The following CDH26 variants were observed in gnomAD, a reference collection of about 807,000 sequenced individuals.
CDH26 encodes the protein cadherin-like protein 26.
In CDH26, 83 loss-of-function variants were observed where a neutral mutation model predicts 90.3. The observed-to-expected ratio is 0.92, with a 90% CI of 0.77 to 1.10. The LOEUF is 1.10. CDH26 is among the 50% of genes least tolerant of loss of function. CDH26 has a pLI of 0.00. For synonymous variants in CDH26, 397 were observed against 396.3 expected (o/e 1.00, Z -0.02); for missense variants, 1,013 against 1,037.6 (o/e 0.98, Z 0.33).
chr20:60,033,441 C>T (rs2062059388), intron 8 of CDH26: 1 of 1,289,312 alleles, frequency 7.8e-7, no homozygotes, highest in Non-Finnish European at 1.0e-6. Context: ...ACCATTTTGC[C>T]TACGTTATTT....
chr20:59,984,932 A>G, intron 6 of CDH26, 69 bp from the exon 7 acceptor site: 1 of 1,582,166 alleles, frequency 6.3e-7, no homozygotes, highest in Non-Finnish European at 8.6e-7. Context: ...TCCTAAACAG[A>G]ATATTTCTTT....
rs571448605 is a variant in CDH26, at chr20:59,996,742, G to A, written c.2000G>A (p.Ser667Asn). Residue 667 changes from serine to asparagine, a missense_variant, in exon 13 of 18, where the codon AGC becomes AAC. Physicochemically the swap from Ser to Asn is conservative, Grantham distance 46. Transcript: ENST00000348616. ...ACACTGGTCATGTATAATGCGGAGA[G>A]CAAAGGCACTTCAGCCCAGGTAGTG... Reference protein sequence around the residue: ...HQTLVMYNAESKGTSAQTWSD... With the variant: ...HQTLVMYNAENKGTSAQTWSD... The A allele has an allele frequency of 4.5e-5, 73 of 1,614,228 alleles. 1 individual carries two copies. In the South Asian group the frequency reaches 7.4e-4, roughly 16 times the overall value.
At chr20:59,977,749 G>A (rs1462970038) in intron 4 of CDH26, among the ~76,000 whole-genome samples, 1 of 144,738 alleles carries the variant, frequency 6.9e-6, no homozygotes, top group African/African-American at 2.6e-5. Flanking sequence ...TGCTACATTT[G>A]CTATAATTGT....
chr20:59,978,152 A>G (rs1350280169), intron 4 of CDH26, among the ~76,000 whole-genome samples: 1 of 152,184 alleles, frequency 6.6e-6, no homozygotes, highest in Non-Finnish European at 1.5e-5. Context: ...ACTGAGAAAC[A>G]TCTTGGTAGC....
At chr20:59,998,973 A>G (rs1307396628) in intron 13 of CDH26, among the ~76,000 whole-genome samples, 2 of 152,068 alleles carry the variant, frequency 1.3e-5, no homozygotes, top group African/African-American at 4.8e-5. Context: ...TTGCACATCC[A>G]CTCACCAGGA....
intron 15 of CDH26, among the ~76,000 whole-genome samples, chr20:60,002,484 C>T (rs1413282085): frequency 1.3e-5 from 2 of 152,002 alleles, no homozygotes; most frequent in African/African-American, 2.4e-5. Context: ...TTGCACTGAG[C>T]CCTGAGAGTT....
At chr20:60,009,972 C>T (rs1315492194) in intron 17 of CDH26, among the ~76,000 whole-genome samples, 1 of 152,150 alleles carries the variant, frequency 6.6e-6, no homozygotes, top group African/African-American at 2.4e-5. Context: ...TCCCCCATGC[C>T]ATATGGTCAG....
At chr20:60,017,595 C>T (rs2061916467), downstream of CDH26, among the ~76,000 whole-genome samples, 1 of 151,936 alleles carries the variant, frequency 6.6e-6, no homozygotes, top group African/African-American at 2.4e-5. Context: ...TTTCTGGTCT[C>T]GATTTTGTTT....
chr20:59,977,201 G>C (rs1410297015), intron 4 of CDH26, among the ~76,000 whole-genome samples: 2 of 152,124 alleles, frequency 1.3e-5, no homozygotes, highest in African/African-American at 4.8e-5. Flanking sequence ...CCTGGCTGAA[G>C]CTGGCAGCCA....
chr20:59,978,542 T>C (rs1386531477), intron 4 of CDH26, among the ~76,000 whole-genome samples: 2 of 151,978 alleles, frequency 1.3e-5, no homozygotes, highest in African/African-American at 2.4e-5. Context: ...GCCTGGCTAA[T>C]TTTTGCCTTT....
intron 1 of CDH26, 34 bp downstream of exon 1, chr20:59,958,829 A>T: frequency 6.2e-7 from 1 of 1,600,742 alleles, no homozygotes; most frequent in Non-Finnish European, 8.5e-7. Flanking sequence ...GCTCAGGTGC[A>T]GGGAACTGAA....
rs2061028969 is a variant in CDH26 at position 59,958,726 on chromosome 20, T to C, written c.-1T>C. ...TCTGGGTCTGTCTTGGGTATTCCCA[T>C]ATGGCCATGAGATCCGGGAGGCACC... On this transcript the variant is annotated 5_prime_UTR_variant, in exon 1 of 18. Coordinates refer to ENST00000348616, the MANE Select transcript of CDH26 (RefSeq NM_177980.4). The C allele has an allele frequency of 1.9e-6, 3 of 1,614,026 alleles. No individual in the cohort carries two copies. The highest frequency in any genetic ancestry group is 1.3e-5 in the African/African-American group (1 of 74,930).
At chr20:60,025,680 C>T (rs958655514) in intron 7 of CDH26, among the ~76,000 whole-genome samples, 2 of 152,168 alleles carry the variant, frequency 1.3e-5, no homozygotes, top group African/African-American at 4.8e-5. Flanking sequence ...AGCCCTTGGG[C>T]ATACCTGTTT....
chr20:59,999,821 C>T (rs1414722673), intron 14 of CDH26, among the ~76,000 whole-genome samples, 158 bp downstream of exon 14: 2 of 152,198 alleles, frequency 1.3e-5, no homozygotes, highest in African/African-American at 2.4e-5. Context: ...CCCCATGGTT[C>T]CCTTAGCCTA....
intron 4 of CDH26, among the ~76,000 whole-genome samples, chr20:59,973,452 A>G (rs1340558803): frequency 2.0e-5 from 3 of 151,960 alleles, no homozygotes; most frequent in Non-Finnish European, 4.4e-5. Context: ...ATATAGGTAA[A>G]CTTGTATAAT....
In CDH26 at chr20:59,987,500, T is replaced by C; in HGVS notation, c.885T>C (p.Arg295=). 6.2e-7 allele frequency: 1 copy of C among 1,613,776 alleles called. No individual in the cohort carries two copies. The highest frequency in any genetic ancestry group is 8.5e-7 in the Non-Finnish European group (1 of 1,179,904). Residue 295 remains arginine, a synonymous_variant, in exon 8 of 18, where the codon CGT becomes CGC. Coordinates refer to ENST00000348616, the MANE Select transcript of CDH26 (RefSeq NM_177980.4). ...PEGRASQGVL[R]LLVQDRDSPF... ...GCCGAGCCAGCCAGGGCGTGTTGCG[T>C]CTCCTGGTTCAAGATCGAGATTCTC...
chr20:59,998,596 T>C (rs938210427), intron 13 of CDH26, among the ~76,000 whole-genome samples: 8 of 152,330 alleles, frequency 5.3e-5, no homozygotes, highest in African/African-American at 1.9e-4. Context: ...ATCTTTCTCT[T>C]GTTTCCCATT....
rs201783426 is a variant in CDH26 at position 59,995,913 on chromosome 20, G to A, written c.1747G>A (p.Gly583Arg). 1.2e-5 allele frequency: 20 copies of A among 1,614,226 alleles called. No individual in the cohort carries two copies. The East Asian group carries it at 4.2e-4, about 34-fold the overall frequency. ...GCCACTCTTCATTGGAGACAAACAG[G>A]GACTTTCCCAGAAGCAAACTGTCCA... ...LVPLFIGDKQ[G>R]LSQKQTVHVR... The change falls in exon 12 of 18, where the codon GGA (glycine) becomes AGA (arginine). Residue 583 changes from glycine (G) to arginine (R), a missense_variant. Coordinates refer to ENST00000348616, the MANE Select transcript of CDH26 (RefSeq NM_177980.4).
Position 59,992,310 on chromosome 20 carries a change from T to C in CDH26, c.1284-68T>C. The C allele has an allele frequency of 6.7e-7, 1 of 1,499,178 alleles. No individual in the cohort carries two copies. Among genetic ancestry groups the C allele is most frequent in the Non-Finnish European group, 9.0e-7 (1 of 1,110,706 alleles). 92.9% of individuals were successfully genotyped at this position (1,499,178 alleles called of 1,614,324 possible). On this transcript the variant is annotated intron_variant, in intron 9 of 17. Transcript: ENST00000348616. This position sits in a 1 kb window ranked among gnomAD's most constrained non-coding sequence, Gnocchi z 5.0. ...TTCTATGACATATTTTGTTTTTTTATGCAACTTTTTTATCTTTTAATGTAA... is the reference window on the plus strand; with the variant it reads ...TTCTATGACATATTTTGTTTTTTTACGCAACTTTTTTATCTTTTAATGTAA...
Sources: allele counts gnomAD v4.1 joint callset (sites outside exome capture counted in the v4.1 genomes callset), GRCh38; gene constraint gnomAD v4.1.1; non-coding constraint Gnocchi (gnomAD v3.1); transcripts MANE v1.5; gene names NCBI Gene and HGNC (gene_info 2026-07-23, HGNC 2026-07-21).